Variants in ACY3 observed in about 807,000 individuals in gnomAD.
ACY3 encodes N-acyl-aromatic-L-amino acid amidohydrolase (carboxylate-forming).
Under a neutral mutation model 24.6 loss-of-function variants are expected in ACY3, and 20 were observed. That is an observed-to-expected ratio of 0.81 (90% confidence interval 0.57 to 1.18). The LOEUF is 1.18. ACY3 is among the 50% of genes most tolerant of loss of function. The pLI is 0.00. For missense variants in ACY3, 423 were observed against 426.8 expected (o/e 0.99, Z 0.08); for synonymous variants, 174 against 188.4 (o/e 0.92, Z 0.62).
chr11:67,646,627 G>A (rs1325491095), intron 3 of ACY3, among the ~76,000 whole-genome samples, 181 bp downstream of exon 3: 5 of 152,226 alleles, frequency 3.3e-5, no homozygotes, highest in Non-Finnish European at 7.3e-5. Flanking sequence ...CTTCCTGGAG[G>A]AGGTGACATC....
rs561370777 is a variant in ACY3, at chr11:67,645,998, G to A, written c.237-111C>T. ...AGGAGCCACTCTGAGCAGCTCGAGC[G>A]AGGGCTTTCCCTTCAGACGTTGTGG... On this transcript the variant is annotated intron_variant, in intron 3 of 7. Coordinates refer to ENST00000255082, the MANE Select transcript of ACY3 (RefSeq NM_080658.2). 6.2e-5 allele frequency: 67 copies of A among 1,088,584 alleles called. No individual in the cohort carries two copies. The East Asian group carries it at 1.5e-3, about 24-fold the overall frequency. The allele number at this position is 1,088,584 out of a possible 1,614,324, so 67.4% of individuals were successfully genotyped here.
In ACY3 at chr11:67,645,602, G is replaced by T. The variant is rs1307569153; in HGVS notation, c.432+90C>A. ...GGGAAACTAGGCCCGGGGAAGAGGG[G>T]CTAAGCAAAGGAGGTTCCAGCATTG... On this transcript the variant is annotated intron_variant, in intron 4 of 7. Coordinates refer to ENST00000255082, the MANE Select transcript of ACY3 (RefSeq NM_080658.2). 3 of 1,460,220 alleles carry T rather than the reference G, an allele frequency of 2.1e-6. No homozygotes were observed. In the African/African-American group the frequency reaches 4.2e-5, roughly 21 times the overall value. The allele number at this position is 1,460,220 out of a possible 1,614,324, so 90.5% of individuals were successfully genotyped here. A position where few individuals can be genotyped will look rare whatever the true frequency, so the allele number is the denominator to read the frequency against.
chr11:67,646,833 G>C lies in ACY3; in HGVS notation c.211C>G (p.Arg71Gly), dbSNP rs928996990. The C allele has an allele frequency of 6.2e-7, 1 of 1,612,972 alleles. No homozygotes were observed. Among genetic ancestry groups the C allele is most frequent in the Non-Finnish European group, 8.5e-7 (1 of 1,179,958 alleles). The change falls in exon 3 of 8, where the codon CGC (arginine) becomes GGC (glycine). Residue 71 changes from arginine to glycine, a missense_variant. Physicochemically the swap from Arg to Gly is moderately radical, Grantham distance 125. Coordinates refer to ENST00000255082, the MANE Select transcript of ACY3 (RefSeq NM_080658.2). The stretch of plus-strand genomic sequence containing the variant: ...TTGAGGAAGCTGCTGGTGAAGGTGC[G>C]GTTGAGGTCATGGTCCACGTAGCGG... ...CRRYVDHDLN[R>G]TFTSSFLNSR...
chr11:67,642,932 T>A lies in ACY3; in HGVS notation c.752A>T (p.Asp251Val), dbSNP rs1414440533. 1.2e-5 allele frequency: 19 copies of A among 1,613,308 alleles called. No homozygotes were observed. In the Admixed American group the frequency reaches 3.2e-4, roughly 27 times the overall value. ...GTVHPQLQDR[D>V]FQPLQPGAPI... ...AGCACCAGGCTGCAGTGGCTGGAAGTCTCGGTCCTGGGAGGAGAGCCAAAG... is the reference window on the plus strand; with the variant it reads ...AGCACCAGGCTGCAGTGGCTGGAAGACTCGGTCCTGGGAGGAGAGCCAAAG... Residue 251 changes from aspartate to valine, a missense_variant, in exon 8 of 8, where the codon GAC becomes GTC. By Grantham distance (152) the Asp-to-Val change is radical (BLOSUM62 -3). Transcript: ENST00000255082.
Position 67,642,773 on chromosome 11 carries a change from G to A in ACY3, c.911C>T (p.Thr304Ile). The A allele has an allele frequency of 6.2e-7, 1 of 1,614,154 alleles. No individual in the cohort carries two copies. The highest frequency in any genetic ancestry group is 8.5e-7 in the Non-Finnish European group (1 of 1,180,036). ...GGTCAGCGCGGGCATGGCAGGCACG[G>A]TGAATGTGAACTTCTCAGTCTGGAC... ...AFVQTEKFTF[T>I]VPAMPALTPA... Residue 304 changes from threonine (T) to isoleucine (I), a missense_variant, in exon 8 of 8, where the codon ACC (threonine) becomes ATC (isoleucine). Thr to Ile is a moderately conservative substitution (Grantham distance 89, BLOSUM62 -1). Transcript: ENST00000255082.
intron 3 of ACY3, 52 bp from the exon 4 acceptor site, chr11:67,645,939 C>G: frequency 6.6e-7 from 1 of 1,526,332 alleles, no homozygotes. Flanking sequence ...AGTCAGTCTT[C>G]AGTGGTTTAA....
At chr11:67,648,631 G>A (rs962249630) in intron 1 of ACY3, among the ~76,000 whole-genome samples, 3 of 152,280 alleles carry the variant, frequency 2.0e-5, no homozygotes, top group Admixed American at 1.3e-4. Context: ...GTCTCCCCGG[G>A]CCAGTCCAGC....
At position 67,645,686 on chromosome 11, in the gene ACY3, GGCCACCTGCA is replaced by G; in HGVS notation, c.428_432+5del. ...TGGGGAGCTGTGTGCTTGGGGCCGG[GGCCACCTGCA>G]GATGGCGGCACAGGTGCATGGCAAA... On this transcript the variant is annotated splice_donor_variant and splice_donor_5th_base_variant and coding_sequence_variant and intron_variant, in exon 4 of 8. Transcript: ENST00000255082. LOFTEE classifies it high-confidence loss of function. 1 of 1,593,000 alleles carries G rather than the reference GGCCACCTGCA, an allele frequency of 6.3e-7. No individual in the cohort carries two copies. Among genetic ancestry groups the G allele is most frequent in the Non-Finnish European group, 8.6e-7 (1 of 1,169,524 alleles).
At chr11:67,650,425 C>CCCAAG (rs1855605612) in intron 1 of ACY3, among the ~76,000 whole-genome samples, 158 bp downstream of exon 1, 1 of 152,204 alleles carries the variant, frequency 6.6e-6, no homozygotes, top group Admixed American at 6.5e-5. Flanking sequence ...CTATTAAATC[C>CCCAAG]TCTTTAGTTA....
Position 67,645,716 on chromosome 11 carries a change from G to A in ACY3, c.408C>T (p.Ala136=). Residue 136 remains alanine, a synonymous_variant, in exon 4 of 8, where the codon GCC becomes GCT. Transcript: ENST00000255082. ...LIAKSSHEVF[A]MHLCRHLQLQ... The stretch of plus-strand genomic sequence containing the variant: ...CCTGCAGATGGCGGCACAGGTGCAT[G>A]GCAAAGACTTCGTGGGAGGACTTCG... 6.2e-7 allele frequency: 1 copy of A among 1,610,590 alleles called. No homozygotes were observed. Among genetic ancestry groups the A allele is most frequent in the African/African-American group, 1.3e-5 (1 of 74,982 alleles).
chr11:67,646,117 C>T (rs1364526327), intron 3 of ACY3, among the ~76,000 whole-genome samples: 4 of 152,248 alleles, frequency 2.6e-5, no homozygotes, highest in South Asian at 2.1e-4. Context: ...TGCCTGCCCA[C>T]TTGCCTGCCT....
chr11:67,646,081 C>T (rs1457468097), intron 3 of ACY3, among the ~76,000 whole-genome samples, 194 bp from the exon 4 acceptor site: 1 of 152,118 alleles, frequency 6.6e-6, no homozygotes, highest in African/African-American at 2.4e-5. Flanking sequence ...AAAATCCAAG[C>T]TCTCAGCCTG....
At chr11:67,649,834 G>C (rs1185633703) in intron 1 of ACY3, among the ~76,000 whole-genome samples, 1 of 150,372 alleles carries the variant, frequency 6.7e-6, no homozygotes, top group Non-Finnish European at 1.5e-5. Flanking sequence ...GCATGTGTGT[G>C]TACATGTGTG....
chr11:67,645,499 C>G, intron 4 of ACY3, 119 bp from the exon 5 acceptor site: 1 of 1,280,534 alleles, frequency 7.8e-7, no homozygotes, highest in Non-Finnish European at 1.1e-6. Flanking sequence ...TCTCCCTCTA[C>G]CCTCTGGCAG....
chr11:67,647,174 A>C (rs7108759), intron 2 of ACY3, 111 bp from the exon 3 acceptor site: 603,268 of 748,478 alleles, frequency 0.81, 246,202 homozygotes, highest in South Asian at 0.92. Context: ...AGAGGTGTGG[A>C]CAGCTGGGAG....
chr11:67,645,490 C>T (rs1179474779), intron 4 of ACY3, 110 bp from the exon 5 acceptor site: 3 of 1,309,174 alleles, frequency 2.3e-6, no homozygotes, highest in Admixed American at 4.3e-5. Flanking sequence ...TTGGCCAGGT[C>T]TCCCTCTACC....
In ACY3 at chr11:67,646,911, T is replaced by C. The variant is rs752801343; in HGVS notation, c.133A>G (p.Ser45Gly). ...GCCAGCACAGGCACAGCGGAGAAGC[T>C]GGCTCTCTGCAGCTCTGCGGGGGCA... ...LHAPAELQRASFSAVPVLANP... is the reference protein window; with the variant it reads ...LHAPAELQRAGFSAVPVLANP... Residue 45 changes from serine to glycine, a missense_variant, in exon 3 of 8, where the codon AGC (serine) becomes GGC (glycine). Coordinates refer to ENST00000255082, the MANE Select transcript of ACY3 (RefSeq NM_080658.2). 3 of 1,610,984 alleles carry C rather than the reference T, an allele frequency of 1.9e-6. No individual in the cohort carries two copies. In the East Asian group the frequency reaches 6.7e-5, roughly 36 times the overall value.
chr11:67,647,207 C>T, intron 2 of ACY3, 144 bp from the exon 3 acceptor site: 1 of 581,836 alleles, frequency 1.7e-6, no homozygotes, highest in Non-Finnish European at 2.9e-6. Context: ...GTCCCACCTG[C>T]ACCCCCAGTG....
chr11:67,645,520 G>C (rs1367333748), intron 4 of ACY3, 140 bp from the exon 5 acceptor site: 6 of 1,219,050 alleles, frequency 4.9e-6, no homozygotes, highest in Non-Finnish European at 6.8e-6. Context: ...GGTAGGGGAG[G>C]GGGTACCGGG....
Sources: gnomAD v4.1 joint callset for allele counts (sites outside exome capture counted in the v4.1 genomes callset) on GRCh38, gnomAD v4.1.1 for gene constraint, MANE v1.5 for transcripts, NCBI Gene and HGNC (gene_info 2026-07-23, HGNC 2026-07-21) for gene names.